CCDC149: variants seen among roughly 807,000 people sequenced by gnomAD.
CCDC149 encodes the protein coiled-coil domain containing 149.
In CCDC149, 45 loss-of-function variants were observed where a neutral mutation model predicts 59.9. That is an observed-to-expected ratio of 0.75 (90% CI 0.59 to 0.96). The LOEUF (loss-of-function observed/expected upper bound fraction) is 0.96, where lower values mean the gene tolerates loss of function less well. CCDC149 is among the 40% of genes least tolerant of loss of function. CCDC149 has a pLI of 0.00. For synonymous variants in CCDC149, 245 were observed against 260.6 expected (o/e 0.94, Z 0.58); for missense variants, 584 against 664.7 (o/e 0.88, Z 1.33).
chr4:24,842,928 T>C lies in CCDC149; in HGVS notation c.373-4656A>G, dbSNP rs548392971. Among the ~76,000 whole-genome samples, 2 of 152,296 alleles carry C rather than the reference T, an allele frequency of 1.3e-5. 1 individual carries two copies. The highest frequency in any genetic ancestry group is 4.1e-4 in the South Asian group (2 of 4,820). On this transcript the variant is annotated intron_variant, in intron 4 of 12. Transcript: ENST00000635206. ...AGGAGCAGCTATTTTCCGGGTGTCA[T>C]CTCCGTTCAGATCCAGCTTCTGCTA...
intron 9 of CCDC149, chr4:24,829,398 C>T (rs947233819): frequency 1.3e-5 from 2 of 151,708 alleles, no homozygotes; most frequent in Admixed American, 6.6e-5. Context: ...TGAGGTCTCC[C>T]AGGTAGGGGA....
intron 1 of CCDC149, among the ~76,000 whole-genome samples, chr4:24,898,436 C>CG (rs1326997628): frequency 6.6e-6 from 1 of 152,088 alleles, no homozygotes; most frequent in African/African-American, 2.4e-5. Context: ...GGAAGCTGGC[C>CG]GGGACATTGG....
chr4:24,831,551 A>T lies in CCDC149; in HGVS notation c.920T>A (p.Ile307Asn), dbSNP rs746610093. The T allele has an allele frequency of 3.1e-6, 5 of 1,614,002 alleles. No individual in the cohort carries two copies. The South Asian group carries it at 4.4e-5, about 14-fold the overall frequency. Residue 307 changes from isoleucine (I) to asparagine (N), a missense_variant, in exon 9 of 13, where the codon ATC (isoleucine) becomes AAC (asparagine). Ile to Asn is a moderately radical substitution (Grantham distance 149). Transcript: ENST00000635206. Reference sequence around the variant, plus strand: ...CTGAATGACCATGTTTTTCTCGTGGATTGTTTCCAACAGGGCTGTTGCCAG... The same window carrying T: ...CTGAATGACCATGTTTTTCTCGTGGTTTGTTTCCAACAGGGCTGTTGCCAG...
At chr4:24,905,240 A>C (rs1159691451) in intron 1 of CCDC149, among the ~76,000 whole-genome samples, 1 of 151,214 alleles carries the variant, frequency 6.6e-6, no homozygotes, top group Non-Finnish European at 1.5e-5. Context: ...TATATTCTGG[A>C]TACTAGATGT....
chr4:24,874,250 T>G (rs1310646116), intron 2 of CCDC149, among the ~76,000 whole-genome samples: 2 of 82,602 alleles, frequency 2.4e-5, no homozygotes, highest in Non-Finnish European at 4.5e-5. Flanking sequence ...ATTTGTTTTT[T>G]TTTTTTTTTG....
chr4:24,913,144 ACCTCGGGCTCCGCG>A (rs1380814045), upstream of CCDC149, among the ~76,000 whole-genome samples: 1 of 151,452 alleles, frequency 6.6e-6, no homozygotes, highest in Non-Finnish European at 1.5e-5. Context: ...CAGCCCCGCG[ACCTCGGGCTCCGCG>A]CCTCCTGCCC....
chr4:24,919,094 GGTTGCCACTT>G (rs1722213298), intron 1 of CCDC149, among the ~76,000 whole-genome samples: 2 of 152,156 alleles, frequency 1.3e-5, no homozygotes, highest in South Asian at 4.1e-4. Flanking sequence ...ATGACACAAT[GGTTGCCACTT>G]ACTAGCCCCA....
intron 1 of CCDC149, among the ~76,000 whole-genome samples, chr4:24,931,829 G>GTATATACATATATATATA (rs1553862488): frequency 2.1e-4 from 16 of 76,908 alleles, no homozygotes; most frequent in Non-Finnish European, 3.4e-4. Flanking sequence ...TGGAGAGTAT[G>GTATATACATATATATATA]TATATATATA....
intron 1 of CCDC149, among the ~76,000 whole-genome samples, chr4:24,944,474 C>T (rs1483966867): frequency 6.6e-6 from 1 of 151,754 alleles, no homozygotes; most frequent in Non-Finnish European, 1.5e-5. Flanking sequence ...GGGTGCAGCA[C>T]ACCAACATGG....
At chr4:24,861,886 C>T (rs897001227) in intron 3 of CCDC149, among the ~76,000 whole-genome samples, 1 of 152,160 alleles carries the variant, frequency 6.6e-6, no homozygotes, top group African/African-American at 2.4e-5. Context: ...AATGATGCCA[C>T]TTTGGCATCA....
intron 1 of CCDC149, among the ~76,000 whole-genome samples, chr4:24,885,162 C>A (rs1201997103): frequency 6.6e-6 from 1 of 152,104 alleles, no homozygotes. Flanking sequence ...TCAGAAAGGG[C>A]CCGGATGTGG....
chr4:24,837,651 G>A lies in CCDC149; in HGVS notation c.490-251C>T, dbSNP rs555358347. On this transcript the variant is annotated intron_variant, in intron 5 of 12. Coordinates refer to ENST00000635206, the MANE Select transcript of CCDC149 (RefSeq NM_001330643.2). The surrounding 1 kb of genome is among the most constrained non-coding windows in gnomAD (Gnocchi z 4.3). ...CTTAGAAAACCAGAACTGAACCCTCGCCAACTTCAGGATGCCCTGCAGCTG... is the reference window on the plus strand; with the variant it reads ...CTTAGAAAACCAGAACTGAACCCTCACCAACTTCAGGATGCCCTGCAGCTG... Among the ~76,000 whole-genome samples, 6 of 152,192 alleles carry A rather than the reference G, an allele frequency of 3.9e-5. No homozygotes were observed. Among genetic ancestry groups the A allele is most frequent in the South Asian group, 4.2e-4 (2 of 4,814 alleles).
At chr4:24,828,319 A>G (rs1715900290) in intron 9 of CCDC149, 1 of 151,616 alleles carries the variant, frequency 6.6e-6, no homozygotes. Flanking sequence ...ATATATGAGT[A>G]TGTGTATATA....
chr4:24,935,057 G>A (rs1318761967), intron 1 of CCDC149, among the ~76,000 whole-genome samples: 1 of 152,202 alleles, frequency 6.6e-6, no homozygotes, highest in Non-Finnish European at 1.5e-5. Flanking sequence ...AAGGAGGATA[G>A]GTGGGATGAG....
intron 3 of CCDC149, among the ~76,000 whole-genome samples, chr4:24,856,087 C>A (rs896820766): frequency 1.3e-5 from 2 of 152,204 alleles, no homozygotes; most frequent in African/African-American, 4.8e-5. Context: ...TGGGTTACCT[C>A]CCTCAACTGT....
At chr4:24,942,819 G>A (rs6843313) in intron 1 of CCDC149, among the ~76,000 whole-genome samples, 69,185 of 151,360 alleles carry the variant, frequency 0.46, 18,727 homozygotes, top group African/African-American at 0.77. Context: ...AGAATAAAAT[G>A]CCTAGGAATC....
chr4:24,894,786 T>C (rs1720743865), intron 1 of CCDC149, among the ~76,000 whole-genome samples: 2 of 151,646 alleles, frequency 1.3e-5, no homozygotes, highest in Non-Finnish European at 2.9e-5. Context: ...CACATGTATA[T>C]TCAAAAAAAC....
chr4:24,895,204 C>A (rs890933761), intron 1 of CCDC149: 18 of 641,752 alleles, frequency 2.8e-5, no homozygotes, highest in Non-Finnish European at 5.1e-5. Context: ...GGAGGGATAT[C>A]TTGGCTCAGA....
intron 1 of CCDC149, among the ~76,000 whole-genome samples, chr4:24,921,466 G>C (rs1192023096): frequency 1.3e-5 from 2 of 152,340 alleles, no homozygotes; most frequent in East Asian, 3.9e-4. Flanking sequence ...CCTCATGACT[G>C]AGAGCTCTCT....
Sources: allele counts gnomAD v4.1 joint callset (sites outside exome capture counted in the v4.1 genomes callset), GRCh38; gene constraint gnomAD v4.1.1; non-coding constraint Gnocchi (gnomAD v3.1); transcripts MANE v1.5; gene names NCBI Gene and HGNC (gene_info 2026-07-23, HGNC 2026-07-21).